Variants in KCND2 observed in about 807,000 individuals in gnomAD.
The protein encoded by KCND2 is potassium voltage-gated channel subfamily D member 2, also known as A-type voltage-gated potassium channel KCND2.
A neutral mutation model predicts 54.4 loss-of-function variants in KCND2; 16 were observed. That is an observed-to-expected ratio of 0.29 (90% confidence interval 0.20 to 0.45). KCND2 has a LOEUF of 0.45. Among genes scored for constraint, KCND2 ranks in the 20% least tolerant of loss-of-function variants. The pLI, the probability that KCND2 is intolerant of heterozygous loss-of-function variation, is 1.00. For synonymous variants in KCND2, 317 were observed against 310.7 expected (o/e 1.02, Z -0.21); for missense variants, 486 against 824.2 (o/e 0.59, Z 5.02).
intron 1 of KCND2, among the ~76,000 whole-genome samples, chr7:120,314,575 C>T (rs1032542059): frequency 2.6e-5 from 4 of 152,066 alleles, no homozygotes; most frequent in Non-Finnish European, 5.9e-5. Context: ...ATTTTATGCA[C>T]AGATAAACAG....
chr7:120,415,992 T>C (rs1801518825), intron 1 of KCND2, among the ~76,000 whole-genome samples: 1 of 152,178 alleles, frequency 6.6e-6, no homozygotes, highest in Admixed American at 6.5e-5. Context: ...GCCATATTGA[T>C]ATATTTTACC....
intron 1 of KCND2, among the ~76,000 whole-genome samples, chr7:120,684,680 C>T (rs1792179319): frequency 6.6e-6 from 1 of 152,118 alleles, no homozygotes; most frequent in South Asian, 2.1e-4. Context: ...CAAAGCTGCA[C>T]AGCAGGAGGT....
At chr7:120,655,406 A>G (rs1791790150) in intron 1 of KCND2, among the ~76,000 whole-genome samples, 1 of 152,048 alleles carries the variant, frequency 6.6e-6, no homozygotes, top group Non-Finnish European at 1.5e-5. Flanking sequence ...TTGCATTCCT[A>G]ATTACTCTTT....
chr7:120,543,564 A>T (rs1446168033), intron 1 of KCND2, among the ~76,000 whole-genome samples: 1 of 152,028 alleles, frequency 6.6e-6, no homozygotes, highest in African/African-American at 2.4e-5. Context: ...TACAAATTTG[A>T]ATGGGTGATT....
Position 120,389,598 on chromosome 7 carries a change from GGTTT to G in KCND2, c.1115+113868_1115+113871del, listed in dbSNP as rs202083816. Among the ~76,000 whole-genome samples the G allele has an allele frequency of 5.1e-4, 77 of 151,162 alleles. No homozygotes were observed. The East Asian group carries it at 0.011, about 22-fold the overall frequency. ...CTGTTTCTATATATTTAAGGTTTTT[GGTTT>G]GTTTGTTTGTTTGTTTTAGATTCTG... On this transcript the variant is annotated intron_variant, in intron 1 of 5. Transcript: ENST00000331113.
At chr7:120,729,787 G>T (rs1208929997) in intron 1 of KCND2, among the ~76,000 whole-genome samples, 1 of 152,130 alleles carries the variant, frequency 6.6e-6, no homozygotes, top group East Asian at 1.9e-4. Flanking sequence ...AGGAATGTTG[G>T]ATTATAAAAC....
At chr7:120,578,176 T>C (rs1309233841) in intron 1 of KCND2, among the ~76,000 whole-genome samples, 1 of 152,132 alleles carries the variant, frequency 6.6e-6, no homozygotes, top group Non-Finnish European at 1.5e-5. Context: ...TAGTCACAGC[T>C]ACTTAGGAGG....
chr7:120,301,750 G>A (rs1563002297), intron 1 of KCND2, among the ~76,000 whole-genome samples: 1 of 152,060 alleles, frequency 6.6e-6, no homozygotes, highest in Non-Finnish European at 1.5e-5. Context: ...GGAGGCATTT[G>A]TGTGAGCTAA....
intron 1 of KCND2, among the ~76,000 whole-genome samples, chr7:120,337,566 A>G (rs565894908): frequency 1.3e-5 from 2 of 152,326 alleles, no homozygotes; most frequent in South Asian, 4.1e-4. Context: ...AGATTGTAAT[A>G]GACTACAGTA....
chr7:120,321,815 A>G (rs1230813873), intron 1 of KCND2, among the ~76,000 whole-genome samples: 1 of 152,134 alleles, frequency 6.6e-6, no homozygotes, highest in East Asian at 1.9e-4. Flanking sequence ...AATTTTGGGT[A>G]TCTTTCTGTC....
At chr7:120,281,981 C>A (rs1046847709) in intron 1 of KCND2, among the ~76,000 whole-genome samples, 3 of 152,102 alleles carry the variant, frequency 2.0e-5, no homozygotes, top group Non-Finnish European at 4.4e-5. Context: ...GGCTGTGAGA[C>A]CTCAACTTTT....
intron 1 of KCND2, among the ~76,000 whole-genome samples, chr7:120,705,023 T>C (rs1399371489): frequency 6.6e-6 from 1 of 152,212 alleles, no homozygotes; most frequent in African/African-American, 2.4e-5. Context: ...ATACTGCCTA[T>C]TAATGTTCTC....
chr7:120,302,585 A>C (rs781737465), intron 1 of KCND2, among the ~76,000 whole-genome samples: 1 of 152,140 alleles, frequency 6.6e-6, no homozygotes, highest in Non-Finnish European at 1.5e-5. Context: ...TTATTAAATA[A>C]CACATTAAAC....
chr7:120,647,504 C>T (rs976746544), intron 1 of KCND2, among the ~76,000 whole-genome samples: 1 of 152,190 alleles, frequency 6.6e-6, no homozygotes, highest in African/African-American at 2.4e-5. Context: ...TTTAAAAACA[C>T]ATTAATATCA....
At chr7:120,634,800 G>A (rs1249737545) in intron 1 of KCND2, among the ~76,000 whole-genome samples, 4 of 152,096 alleles carry the variant, frequency 2.6e-5, no homozygotes, top group Non-Finnish European at 5.9e-5. Flanking sequence ...TCCTGATGAG[G>A]CTCCCAAGAC....
At chr7:120,682,702 C>T (rs1323158773) in intron 1 of KCND2, among the ~76,000 whole-genome samples, 1 of 152,102 alleles carries the variant, frequency 6.6e-6, no homozygotes, top group Admixed American at 6.6e-5. Context: ...AAACATGTTG[C>T]TATTACACAT....
intron 1 of KCND2, among the ~76,000 whole-genome samples, chr7:120,341,498 A>C (rs1378436509): frequency 6.6e-6 from 1 of 152,174 alleles, no homozygotes; most frequent in African/African-American, 2.4e-5. Context: ...ATTTAAGGTC[A>C]TGTTGGCATC....
chr7:120,359,358 T>C, intron 1 of KCND2, among the ~76,000 whole-genome samples: 1 of 152,102 alleles, frequency 6.6e-6, no homozygotes, highest in East Asian at 1.9e-4. Flanking sequence ...TCTGATGGCC[T>C]TTGACCTTTT....
chr7:120,605,268 T>C (rs1045922809), intron 1 of KCND2, among the ~76,000 whole-genome samples: 1 of 152,230 alleles, frequency 6.6e-6, no homozygotes. Context: ...CTTTACTCTA[T>C]GTCTCTATGA....
Sources: allele counts gnomAD v4.1 joint callset (sites outside exome capture counted in the v4.1 genomes callset), GRCh38; gene constraint gnomAD v4.1.1; transcripts MANE v1.5; gene names NCBI Gene and HGNC (gene_info 2026-07-23, HGNC 2026-07-21).